MECOM: variants seen among roughly 807,000 people sequenced by gnomAD.
The protein encoded by MECOM is histone-lysine N-methyltransferase MECOM.
In MECOM, 13 loss-of-function variants were observed where a neutral mutation model predicts 116.3. That is an observed-to-expected ratio of 0.11 (90% CI 0.07 to 0.18). MECOM has a LOEUF of 0.18. MECOM is among the 10% of genes least tolerant of loss of function. MECOM has a pLI of 1.00. For synonymous variants in MECOM, 528 were observed against 535.2 expected, an observed-to-expected ratio of 0.99 and a Z score of 0.19; for missense variants, 1,299 against 1,509.0, an observed-to-expected ratio of 0.86 and a Z score of 2.31.
chr3:169,308,286 C>T (rs1368131520), intron 2 of MECOM, among the ~76,000 whole-genome samples: 1 of 152,142 alleles, frequency 6.6e-6, no homozygotes, highest in Non-Finnish European at 1.5e-5. Context: ...TAAAGTGAAT[C>T]AATTAACACT....
rs1296781633 is a variant in MECOM at position 169,191,792 on chromosome 3, A to AAGAAAGAAAGAAAGGG, written c.376-47961_376-47960insCCCTTTCTTTCTTTCT. ...AAAGAAAGAAAGAAAGAAAGAAAGA[A>AAGAAAGAAAGAAAGGG]AGGGAGGGAAGGATAAATCTCTTTG... On this transcript the variant is annotated intron_variant, in intron 2 of 16. Coordinates refer to ENST00000651503, the MANE Select transcript of MECOM (RefSeq NM_004991.4). Among the ~76,000 whole-genome samples, 587 of 145,782 alleles carry AAGAAAGAAAGAAAGGG rather than the reference A, an allele frequency of 4.0e-3. 6 individuals are homozygous for AAGAAAGAAAGAAAGGG. The highest frequency in any genetic ancestry group is 0.015 in the Admixed American group (213 of 14,240).
At chr3:169,145,646 T>G in intron 2 of MECOM, 1 of 225,030 alleles carries the variant, frequency 4.4e-6, no homozygotes. Flanking sequence ...CCATTTCATA[T>G]TTGCAGAGAG....
chr3:169,491,671 A>G (rs1560349465), intron 1 of MECOM, among the ~76,000 whole-genome samples: 1 of 152,216 alleles, frequency 6.6e-6, no homozygotes, highest in Admixed American at 6.5e-5. Flanking sequence ...CACAGTCAGC[A>G]TTGTTACCAA....
chr3:169,133,856 C>A, intron 3 of MECOM: 1 of 1,154,818 alleles, frequency 8.7e-7, no homozygotes. Flanking sequence ...CTGTTTCATT[C>A]TGGAGTTCTA....
intron 1 of MECOM, among the ~76,000 whole-genome samples, chr3:169,521,561 G>A (rs1246341009): frequency 6.6e-6 from 1 of 152,178 alleles, no homozygotes; most frequent in African/African-American, 2.4e-5. Flanking sequence ...GTCTCCAGAG[G>A]TGTGAAGGTC....
chr3:169,397,340 T>C (rs180878289), intron 1 of MECOM, among the ~76,000 whole-genome samples: 1 of 152,218 alleles, frequency 6.6e-6, no homozygotes, highest in Non-Finnish European at 1.5e-5. Flanking sequence ...GGTTTACATT[T>C]GTAAGAGGCA....
chr3:169,561,116 TATA>T (rs1441586646), intron 1 of MECOM, among the ~76,000 whole-genome samples: 2 of 151,920 alleles, frequency 1.3e-5, no homozygotes, highest in East Asian at 1.9e-4. Flanking sequence ...AATAATAAAA[TATA>T]ATTCCATGTC....
chr3:169,451,010 T>C (rs964494638), intron 1 of MECOM, among the ~76,000 whole-genome samples: 1 of 152,186 alleles, frequency 6.6e-6, no homozygotes, highest in African/African-American at 2.4e-5. Context: ...CTCTGGAATA[T>C]CACTCAAACT....
intron 2 of MECOM, among the ~76,000 whole-genome samples, chr3:169,317,550 A>G (rs1216986003): frequency 6.6e-6 from 1 of 152,188 alleles, no homozygotes; most frequent in Non-Finnish European, 1.5e-5. Context: ...CTCTCTCCAG[A>G]GTATAATTAC....
chr3:169,454,673 A>C (rs368413815), intron 1 of MECOM, among the ~76,000 whole-genome samples: 2 of 152,308 alleles, frequency 1.3e-5, no homozygotes, highest in South Asian at 4.1e-4. Context: ...ATTCAAAGTC[A>C]CTACTAGATT....
chr3:169,299,056 G>A (rs1716184672), intron 2 of MECOM, among the ~76,000 whole-genome samples: 1 of 152,072 alleles, frequency 6.6e-6, no homozygotes, highest in Admixed American at 6.6e-5. Context: ...TATTTAAGGA[G>A]CAAAGACTCA....
At chr3:169,479,815 G>A (rs928850467) in intron 1 of MECOM, among the ~76,000 whole-genome samples, 9 of 152,130 alleles carry the variant, frequency 5.9e-5, no homozygotes, top group African/African-American at 9.7e-5. Context: ...AGGCAGGAAC[G>A]TGACTAATAT....
At chr3:169,660,138 A>G (rs1034198644) in intron 1 of MECOM, among the ~76,000 whole-genome samples, 1 of 152,178 alleles carries the variant, frequency 6.6e-6, no homozygotes, top group African/African-American at 2.4e-5. Context: ...TCAGGACCAT[A>G]GCAACTGGCA....
chr3:169,156,084 G>A (rs1407550970), intron 2 of MECOM, among the ~76,000 whole-genome samples: 3 of 152,112 alleles, frequency 2.0e-5, no homozygotes, highest in African/African-American at 7.2e-5. Context: ...TTTCTAATTG[G>A]TTATTAGAAA....
intron 2 of MECOM, among the ~76,000 whole-genome samples, chr3:169,178,918 G>C (rs1350193945): frequency 6.6e-6 from 1 of 152,106 alleles, no homozygotes; most frequent in Non-Finnish European, 1.5e-5. Context: ...AGAACATTCA[G>C]ATTAAGCACT....
intron 3 of MECOM, among the ~76,000 whole-genome samples, chr3:169,140,670 G>T (rs1328733653): frequency 9.0e-6 from 1 of 110,938 alleles, no homozygotes; most frequent in Non-Finnish European, 1.9e-5. Flanking sequence ...CTGCCACAAA[G>T]CTCATTCTGT....
chr3:169,360,447 G>A (rs1434471636), intron 2 of MECOM, among the ~76,000 whole-genome samples: 2 of 151,360 alleles, frequency 1.3e-5, no homozygotes, highest in African/African-American at 4.8e-5. Context: ...TGTAGAGTCT[G>A]AATCTATGAA....
rs1738867640 is a variant in MECOM, at chr3:169,143,805, A to C, written c.403T>G (p.Phe135Val). The C allele has an allele frequency of 6.2e-7, 1 of 1,608,200 alleles. No homozygotes were observed. Among genetic ancestry groups the C allele is most frequent in the African/African-American group, 1.3e-5 (1 of 74,790 alleles). Residue 135 changes from phenylalanine (F) to valine (V), a missense_variant, in exon 3 of 17, where the codon TTC (phenylalanine) becomes GTC (valine). Around this residue, in one of 6 missense-constraint regions of MECOM, gnomAD observed 374 missense variants for 433.4 expected, o/e 0.86. Coordinates refer to ENST00000651503, the MANE Select transcript of MECOM (RefSeq NM_004991.4). ...EILDEFYNVK[F>V]CIDASQPDVG... is the part of the protein sequence containing the mutation. The stretch of plus-strand genomic sequence containing the variant: ...TCTGGTTGACTGGCATCTATGCAGA[A>C]CTTCACATTGTAAAATTCGTCTAAG...
chr3:169,362,624 A>C (rs1320688053), intron 2 of MECOM, among the ~76,000 whole-genome samples: 1 of 152,012 alleles, frequency 6.6e-6, no homozygotes, highest in Non-Finnish European at 1.5e-5. Context: ...ATTTGCAAGT[A>C]GATACTGCGG....
Sources: gnomAD v4.1 joint callset for allele counts (sites outside exome capture counted in the v4.1 genomes callset) on GRCh38, gnomAD v4.1.1 for gene constraint, gnomAD v4.1.1 regional missense constraint, MANE v1.5 for transcripts, NCBI Gene and HGNC (gene_info 2026-07-23, HGNC 2026-07-21) for gene names.